RBFOX1: variants seen among roughly 807,000 people sequenced by gnomAD.
The protein encoded by RBFOX1 is RNA binding fox-1 homolog 1.
Under a neutral mutation model 57.7 loss-of-function variants are expected in RBFOX1, and 8 were observed. The ratio of observed to expected loss-of-function variants is 0.14; its 90% confidence interval spans 0.08 to 0.25. The LOEUF (loss-of-function observed/expected upper bound fraction) is 0.25, where lower values mean the gene tolerates loss of function less well. RBFOX1 is among the 10% of genes least tolerant of loss of function. The probability of loss-of-function intolerance (pLI) is 1.00; values close to 1 mark genes in which losing one functional copy is unlikely to be tolerated. For missense variants in RBFOX1, 611 were observed against 548.5 expected (o/e 1.11, Z -1.14); for synonymous variants, 326 against 222.4 (o/e 1.47, Z -4.15).
chr16:6,499,159 C>A (rs12445385), intron 2 of RBFOX1, among the ~76,000 whole-genome samples: 35,539 of 152,124 alleles, frequency 0.23, 4,805 homozygotes, highest in Non-Finnish European at 0.3. Flanking sequence ...AAGCTGGATG[C>A]TGGTGGACTG....
chr16:5,893,593 G>A (rs1056207814), intron 4 of RBFOX1, among the ~76,000 whole-genome samples: 4 of 152,164 alleles, frequency 2.6e-5, no homozygotes, highest in Non-Finnish European at 5.9e-5. Flanking sequence ...GATCACCTGA[G>A]GTCAGGGGTT....
intron 4 of RBFOX1, among the ~76,000 whole-genome samples, chr16:5,907,995 C>T (rs1035908287): frequency 6.6e-6 from 1 of 151,636 alleles, no homozygotes; most frequent in African/African-American, 2.4e-5. Flanking sequence ...AAGTTCTCCA[C>T]CCTCTTCGGC....
At chr16:7,460,459 A>G (rs973078684) in intron 4 of RBFOX1, among the ~76,000 whole-genome samples, 1 of 144,588 alleles carries the variant, frequency 6.9e-6, no homozygotes, top group Admixed American at 7.2e-5. Context: ...GTGTATATAC[A>G]TATCTAATAT....
At chr16:7,384,452 T>C (rs1273388620) in intron 4 of RBFOX1, among the ~76,000 whole-genome samples, 2 of 152,160 alleles carry the variant, frequency 1.3e-5, no homozygotes, top group Non-Finnish European at 2.9e-5. Flanking sequence ...GGAGCTGATA[T>C]TGAAGAGCTG....
chr16:6,731,279 A>G (rs1293451649), intron 3 of RBFOX1, among the ~76,000 whole-genome samples: 3 of 152,294 alleles, frequency 2.0e-5, no homozygotes, highest in Non-Finnish European at 4.4e-5. Flanking sequence ...AGAGTTCTGC[A>G]CAACTAAAAA....
intron 3 of RBFOX1, among the ~76,000 whole-genome samples, chr16:6,843,667 T>A (rs1302730943): frequency 1.3e-5 from 2 of 152,136 alleles, no homozygotes; most frequent in Non-Finnish European, 2.9e-5. Context: ...CCAGCCTGGG[T>A]GACAGAGCGA....
At chr16:7,577,126 A>C (rs1220651480) in intron 5 of RBFOX1, among the ~76,000 whole-genome samples, 1 of 152,206 alleles carries the variant, frequency 6.6e-6, no homozygotes, top group Non-Finnish European at 1.5e-5. Context: ...TTCTTCATGC[A>C]TTTGTTTATT....
rs149351131 is a variant in RBFOX1, at chr16:7,689,712, C to G, written c.995+12874C>G. Among the ~76,000 whole-genome samples the G allele has an allele frequency of 8.2e-4, 124 of 151,888 alleles. 1 individual carries two copies. The highest frequency in any genetic ancestry group is 2.8e-3 in the African/African-American group (115 of 41,420). ...GAAAATACAGAAGTAGGGGCCAACT[C>G]AAAGAAAAATGGAAAAACCCAAGCA... On this transcript the variant is annotated intron_variant, in intron 14 of 15. Transcript: ENST00000550418.
intron 3 of RBFOX1, among the ~76,000 whole-genome samples, chr16:6,933,947 GA>G (rs1025016719): frequency 1.3e-5 from 2 of 152,164 alleles, no homozygotes; most frequent in African/African-American, 4.8e-5. Context: ...ACATGGTATT[GA>G]AAAATCAAAG....
chr16:5,889,626 G>C lies in RBFOX1; in HGVS notation c.351+22291G>C, dbSNP rs533120130. 2.0e-5 allele frequency among the ~76,000 whole-genome samples: 3 copies of C among 152,292 alleles called. No homozygotes were observed. In the South Asian group the frequency reaches 6.2e-4, roughly 32 times the overall value. On this transcript the variant is annotated intron_variant, in intron 4 of 19. Transcript: ENST00000641259. Reference sequence around the variant, plus strand: ...ACACTTTTGGGCACTGAGGATGCAGGACAAGCAGACTCCACACATGTCCTC... The same window carrying C: ...ACACTTTTGGGCACTGAGGATGCAGCACAAGCAGACTCCACACATGTCCTC...
At chr16:5,537,341 A>G (rs2044741007) in intron 2 of RBFOX1, among the ~76,000 whole-genome samples, 1 of 152,208 alleles carries the variant, frequency 6.6e-6, no homozygotes, top group Non-Finnish European at 1.5e-5. Context: ...CATCACTTCT[A>G]GGAAGCGAAA....
intron 2 of RBFOX1, among the ~76,000 whole-genome samples, chr16:5,505,767 A>C (rs2043356830): frequency 6.6e-6 from 1 of 152,082 alleles, no homozygotes; most frequent in East Asian, 1.9e-4. Context: ...TGTGAAGTCC[A>C]TGGCTTTTGG....
intron 3 of RBFOX1, among the ~76,000 whole-genome samples, chr16:5,711,754 T>C (rs1160223400): frequency 6.6e-6 from 1 of 152,162 alleles, no homozygotes; most frequent in East Asian, 1.9e-4. Flanking sequence ...AGGTTTGCTT[T>C]TTGAGGAAAA....
At chr16:7,553,938 C>T (rs905865107) in intron 5 of RBFOX1, among the ~76,000 whole-genome samples, 1 of 152,160 alleles carries the variant, frequency 6.6e-6, no homozygotes, top group Non-Finnish European at 1.5e-5. Context: ...AGGCTCTATA[C>T]ATTAGGATTA....
At chr16:7,660,885 G>C (rs1287521663) in intron 12 of RBFOX1, among the ~76,000 whole-genome samples, 1 of 152,170 alleles carries the variant, frequency 6.6e-6, no homozygotes, top group African/African-American at 2.4e-5. Context: ...GCACTGTGGA[G>C]CCGGACCCCC....
intron 3 of RBFOX1, among the ~76,000 whole-genome samples, chr16:5,707,019 A>ATC (rs1243212052): frequency 6.6e-6 from 1 of 151,848 alleles, no homozygotes; most frequent in Non-Finnish European, 1.5e-5. Flanking sequence ...GCTTGAGGCC[A>ATC]TCTCTCTCTC....
At chr16:6,324,167 C>G (rs1422702590) in intron 2 of RBFOX1, among the ~76,000 whole-genome samples, 1 of 113,812 alleles carries the variant, frequency 8.8e-6, no homozygotes, top group Non-Finnish European at 1.6e-5. Context: ...CCTTCTGAGT[C>G]TCCATAGTTC....
At chr16:5,358,618 G>C (rs547415423) in intron 1 of RBFOX1, among the ~76,000 whole-genome samples, 4 of 152,310 alleles carry the variant, frequency 2.6e-5, no homozygotes, top group Admixed American at 2.6e-4. Flanking sequence ...GAGGTCAGGA[G>C]TTTGAGACCA....
Position 6,895,416 on chromosome 16 carries a change from ATATGTGTGTGTGTG to A in RBFOX1, c.-15-156639_-15-156626del, listed in dbSNP as rs1428722090. Among the ~76,000 whole-genome samples the A allele has an allele frequency of 3.9e-4, 31 of 79,898 alleles. No homozygotes were observed. In the East Asian group the frequency reaches 4.3e-3, roughly 11 times the overall value. 52.4% of individuals were successfully genotyped at this position (79,898 alleles called of 152,430 possible). A position where few individuals can be genotyped will look rare whatever the true frequency, so the allele number is the denominator to read the frequency against. On this transcript the variant is annotated intron_variant, in intron 3 of 15. Transcript: ENST00000550418. ...GCCTCAGCCACTAGTTGTTAGTAATATATGTGTGTGTGTGTGTGTGTGTGTGTGTGTGTATATAT... is the reference window on the plus strand; with the variant it reads ...GCCTCAGCCACTAGTTGTTAGTAATATGTGTGTGTGTGTGTGTGTATATAT...
Sources: allele counts gnomAD v4.1 joint callset (sites outside exome capture counted in the v4.1 genomes callset), GRCh38; gene constraint gnomAD v4.1.1; transcripts MANE v1.5; gene names NCBI Gene and HGNC (gene_info 2026-07-23, HGNC 2026-07-21).